Variants in H2AZ2 observed in about 807,000 individuals in gnomAD.
H2AZ2 encodes the protein histone H2A.V.
Under a neutral mutation model 15.5 loss-of-function variants are expected in H2AZ2, and 5 were observed. The ratio of observed to expected loss-of-function variants is 0.32; its 90% CI spans 0.17 to 0.68. H2AZ2 has a LOEUF of 0.68. Ranked by LOEUF, H2AZ2 falls within the 30% of genes least tolerant of loss-of-function variation. The pLI is 0.72. For synonymous variants in H2AZ2, 44 were observed against 57.4 expected (o/e 0.77, Z 1.05); for missense variants, 42 against 162.5 (o/e 0.26, Z 4.03).
At chr7:44,845,325 G>A (rs1474938498) in intron 1 of H2AZ2, among the ~76,000 whole-genome samples, 1 of 152,120 alleles carries the variant, frequency 6.6e-6, no homozygotes, top group African/African-American at 2.4e-5. Flanking sequence ...TTACCAGTAA[G>A]AACTGAGACG....
chr7:44,846,427 C>T (rs1793408614), intron 1 of H2AZ2, among the ~76,000 whole-genome samples: 1 of 151,916 alleles, frequency 6.6e-6, no homozygotes, highest in Non-Finnish European at 1.5e-5. Context: ...ACCATCCTGG[C>T]CAACATGGTG....
At chr7:44,844,265 G>A (rs1041265101) in intron 1 of H2AZ2, among the ~76,000 whole-genome samples, 4 of 152,202 alleles carry the variant, frequency 2.6e-5, no homozygotes, top group Admixed American at 6.5e-5. Flanking sequence ...ATAGTATTCA[G>A]CTTTAAAAAG....
At chr7:44,847,698 C>A (rs1042893365) in intron 1 of H2AZ2, among the ~76,000 whole-genome samples, 1 of 152,202 alleles carries the variant, frequency 6.6e-6, no homozygotes, top group Non-Finnish European at 1.5e-5. Flanking sequence ...CCTTCTAAGA[C>A]GGGCGGTGCA....
At chr7:44,843,230 A>G (rs768286930) in intron 2 of H2AZ2, 47 bp downstream of exon 2, 2 of 1,262,178 alleles carry the variant, frequency 1.6e-6, no homozygotes, top group Non-Finnish European at 2.2e-6. Context: ...GTCATAAATT[A>G]CAACAGTAAA....
At chr7:44,846,154 T>C (rs1486082793) in intron 1 of H2AZ2, among the ~76,000 whole-genome samples, 7 of 152,120 alleles carry the variant, frequency 4.6e-5, no homozygotes, top group Admixed American at 3.9e-4. Context: ...GACACTTTCA[T>C]GTCAGTTTTA....
rs1793023500 is a variant in H2AZ2, at chr7:44,832,809, GT to G, written c.*1691del. On this transcript the variant is annotated 3_prime_UTR_variant, in exon 5 of 5. Transcript: ENST00000308153. The stretch of plus-strand genomic sequence containing the variant: ...TACATAAATAAAAAAAATTAGCCAG[GT>G]ATGGTGGCATGTGCCTGTGGTCCCA... Among the ~76,000 whole-genome samples, 2 of 152,108 alleles carry G rather than the reference GT, an allele frequency of 1.3e-5. No individual in the cohort carries two copies. The highest frequency in any genetic ancestry group is 2.4e-5 in the African/African-American group (1 of 41,510).
chr7:44,842,806 T>C (rs1793305142), intron 2 of H2AZ2, among the ~76,000 whole-genome samples: 1 of 152,162 alleles, frequency 6.6e-6, no homozygotes, highest in African/African-American at 2.4e-5. Context: ...GGCTTACCAC[T>C]GCCAAGAGGA....
Position 44,840,951 on chromosome 7 carries a change from C to G in H2AZ2, c.143G>C (p.Gly48Ala), listed in dbSNP as rs1202835056. 1 of 1,614,052 alleles carries G rather than the reference C, an allele frequency of 6.2e-7. No homozygotes were observed. Among genetic ancestry groups the G allele is most frequent in the African/African-American group, 1.3e-5 (1 of 74,926 alleles). The change falls in exon 3 of 5, where the codon GGT (glycine) becomes GCT (alanine). Residue 48 changes from glycine to alanine, a missense_variant. Gly to Ala is a moderately conservative substitution (Grantham distance 60). Transcript: ENST00000308153. ...KTRTTSHGRV[G>A]ATAAVYSAAI... ...AGCACTGTACACGGCAGCAGTGGCA[C>G]CCACCCTTCCATGGCTTGTGGTGCG...
Position 44,832,081 on chromosome 7 carries a change from GACAA to G in H2AZ2, c.*2416_*2419del, listed in dbSNP as rs2117019696. 6.6e-6 allele frequency among the ~76,000 whole-genome samples: 1 copy of G among 152,142 alleles called. No homozygotes were observed. The highest frequency in any genetic ancestry group is 2.1e-4 in the South Asian group (1 of 4,822). Reference sequence around the variant, plus strand: ...AATCCACTGAAGGACAATTCTATAGGACAAACAACTTAGTTTCTTCAAAAATTAA... The same window carrying G: ...AATCCACTGAAGGACAATTCTATAGGACAACTTAGTTTCTTCAAAAATTAA... On this transcript the variant is annotated 3_prime_UTR_variant, in exon 5 of 5. Transcript: ENST00000308153.
At chr7:44,841,122 A>T in intron 2 of H2AZ2, 110 bp from the exon 3 acceptor site, 1 of 759,980 alleles carries the variant, frequency 1.3e-6, no homozygotes, top group Non-Finnish European at 2.2e-6. Flanking sequence ...TTGATCACAC[A>T]TATCAGAAGC....
chr7:44,841,570 C>T (rs1388907457), intron 2 of H2AZ2, among the ~76,000 whole-genome samples: 4 of 152,108 alleles, frequency 2.6e-5, no homozygotes, highest in East Asian at 1.9e-4. Context: ...AGTGCAGTGG[C>T]GCCATCTTGG....
Position 44,843,170 on chromosome 7 carries a change from A to C in H2AZ2, c.81+107T>G, listed in dbSNP as rs897309782. On this transcript the variant is annotated intron_variant, in intron 2 of 4. Coordinates refer to ENST00000308153, the MANE Select transcript of H2AZ2 (RefSeq NM_012412.5). ...AAAAAAAAAAAAAAAAAAAAAAAAAAAAAAAGTCTGTAGTAATACAAGTAG... is the reference window on the plus strand; with the variant it reads ...AAAAAAAAAAAAAAAAAAAAAAAAACAAAAAGTCTGTAGTAATACAAGTAG... The C allele has an allele frequency of 6.6e-4, 179 of 272,074 alleles. 2 individuals are homozygous for C. The East Asian group carries it at 9.0e-3, about 14-fold the overall frequency. The allele number at this position is 272,074 out of a possible 1,614,324, so 16.9% of individuals were successfully genotyped here. A position where few individuals can be genotyped will look rare whatever the true frequency, so the allele number is the denominator to read the frequency against.
downstream of H2AZ2, chr7:44,829,843 G>A (rs369560574): frequency 7.5e-6 from 2 of 265,986 alleles, no homozygotes; most frequent in South Asian, 5.4e-5. Flanking sequence ...TAGGATGGTA[G>A]TGTGGACCAA....
At chr7:44,839,992 A>G (rs1793233860) in intron 3 of H2AZ2, among the ~76,000 whole-genome samples, 1 of 147,312 alleles carries the variant, frequency 6.8e-6, no homozygotes, top group African/African-American at 2.5e-5. Flanking sequence ...ACAGAGCAAG[A>G]CCCTGTCTCA....
chr7:44,831,305 A>G (rs962061420), downstream of H2AZ2, among the ~76,000 whole-genome samples: 1 of 152,250 alleles, frequency 6.6e-6, no homozygotes, highest in African/African-American at 2.4e-5. Context: ...GAGACTGATC[A>G]TAACTGTGAG....
intron 4 of H2AZ2, chr7:44,834,846 G>A (rs956801834): frequency 2.9e-5 from 7 of 245,234 alleles, no homozygotes; most frequent in Admixed American, 1.0e-4. Flanking sequence ...GTGCAGTGGT[G>A]TAATCTTGGC....
In H2AZ2 at chr7:44,848,041, G is replaced by T. The variant is rs564481305; in HGVS notation, c.-70C>A. 4 of 1,046,986 alleles carry T rather than the reference G, an allele frequency of 3.8e-6. No individual in the cohort carries two copies. In the South Asian group the frequency reaches 9.7e-5, roughly 25 times the overall value. The allele number at this position is 1,046,986 out of a possible 1,614,324, so 64.9% of individuals were successfully genotyped here. On this transcript the variant is annotated 5_prime_UTR_variant, in exon 1 of 5. Transcript: ENST00000308153. Reference sequence around the variant, plus strand: ...GCTGCCGACCCGCGCCGCCGCCGCCGCTCTCGCAGCACCGACCGCCGCCGC... The same window carrying T: ...GCTGCCGACCCGCGCCGCCGCCGCCTCTCTCGCAGCACCGACCGCCGCCGC...
chr7:44,837,433 G>GAAAAAAAAAAAAAAAAA (rs71011996), intron 3 of H2AZ2, among the ~76,000 whole-genome samples: 2 of 87,270 alleles, frequency 2.3e-5, no homozygotes, highest in African/African-American at 8.6e-5. Flanking sequence ...AAAAAAAAAA[G>GAAAAAAAAAAAAAAAAA]AAAAAAAAAA....
At chr7:44,838,968 C>T (rs1793199134) in intron 3 of H2AZ2, among the ~76,000 whole-genome samples, 1 of 152,174 alleles carries the variant, frequency 6.6e-6, no homozygotes, top group Non-Finnish European at 1.5e-5. Context: ...AGTTTTATGA[C>T]TTCCCAACGG....
Sources: allele counts gnomAD v4.1 joint callset (sites outside exome capture counted in the v4.1 genomes callset), GRCh38; gene constraint gnomAD v4.1.1; transcripts MANE v1.5; gene names NCBI Gene and HGNC (gene_info 2026-07-23, HGNC 2026-07-21).